Variants in SCARB2 observed in about 807,000 individuals in gnomAD.
The protein encoded by SCARB2 is scavenger receptor class B member 2, also known as lysosome membrane protein 2.
A neutral mutation model predicts 58.6 loss-of-function variants in SCARB2; 29 were observed. The ratio of observed to expected loss-of-function variants is 0.49; its 90% CI spans 0.37 to 0.67. The LOEUF is 0.67. Ranked by LOEUF, SCARB2 falls within the 30% of genes least tolerant of loss-of-function variation. SCARB2 has a pLI of 0.00. For synonymous variants in SCARB2, 195 were observed against 210.1 expected, an observed-to-expected ratio of 0.93 and a Z score of 0.62; for missense variants, 488 against 578.5, an observed-to-expected ratio of 0.84 and a Z score of 1.60.
chr4:76,198,216 T>C (rs951337720), intron 1 of SCARB2, among the ~76,000 whole-genome samples: 3 of 152,210 alleles, frequency 2.0e-5, no homozygotes, highest in African/African-American at 4.8e-5. Flanking sequence ...GAGAAAGGAC[T>C]TGAGATCTCA....
chr4:76,186,140 G>A (rs1467909533), intron 2 of SCARB2, among the ~76,000 whole-genome samples: 1 of 152,122 alleles, frequency 6.6e-6, no homozygotes, highest in Non-Finnish European at 1.5e-5. Flanking sequence ...CACAGTAAAC[G>A]CACTGTGGGC....
chr4:76,231,385 C>T (rs769956361), intron 1 of SCARB2, among the ~76,000 whole-genome samples: 4 of 152,030 alleles, frequency 2.6e-5, no homozygotes, highest in African/African-American at 9.7e-5. Flanking sequence ...TGGAGACTGC[C>T]GGTTGGTTCA....
At chr4:76,232,400 C>T (rs1258527113) in intron 1 of SCARB2, among the ~76,000 whole-genome samples, 1 of 152,188 alleles carries the variant, frequency 6.6e-6, no homozygotes, top group Non-Finnish European at 1.5e-5. Flanking sequence ...AGTTCTACGG[C>T]TTATTCTAAA....
At position 76,233,342 on chromosome 4, in the gene SCARB2, C is replaced by A. The variant is rs543734517; in HGVS notation, c.-358+961G>T. Among the ~76,000 whole-genome samples, 111 of 152,280 alleles carry A rather than the reference C, an allele frequency of 7.3e-4. No homozygotes were observed. In the Middle Eastern group the frequency reaches 0.01, roughly 14 times the overall value. ...TCAAAACCCAAAAAGCAGTTTGTAA[C>A]CTTAAAACATTTAGCAAACCTTGCA... On this transcript the variant is annotated intron_variant, in intron 1 of 11. Transcript: ENST00000638295.
At chr4:76,234,010 G>A (rs1733538215) in intron 1 of SCARB2, among the ~76,000 whole-genome samples, 1 of 152,236 alleles carries the variant, frequency 6.6e-6, no homozygotes, top group African/African-American at 2.4e-5. Flanking sequence ...CCTTCACCAG[G>A]GAGACAAGTT....
intron 1 of SCARB2, among the ~76,000 whole-genome samples, chr4:76,197,119 CAGACTTCT>C (rs1318074668): frequency 4.1e-4 from 63 of 152,340 alleles, no homozygotes; most frequent in African/African-American, 1.5e-3. Flanking sequence ...ACCTTGATCT[CAGACTTCT>C]AGCATCCAGA....
At chr4:76,197,624 AC>A (rs1253294840) in intron 1 of SCARB2, among the ~76,000 whole-genome samples, 1 of 152,174 alleles carries the variant, frequency 6.6e-6, no homozygotes, top group African/African-American at 2.4e-5. Flanking sequence ...GTTAACAGAA[AC>A]CTAACACCTG....
intron 8 of SCARB2, 149 bp downstream of exon 8, chr4:76,169,718 C>A (rs1732090360): frequency 4.2e-6 from 3 of 716,366 alleles, no homozygotes; most frequent in South Asian, 1.5e-5. Flanking sequence ...TGAGACAATG[C>A]CTCCATCAGC....
chr4:76,163,428 T>G, intron 10 of SCARB2, 45 bp from the exon 11 acceptor site: 1 of 1,608,176 alleles, frequency 6.2e-7, no homozygotes, highest in Non-Finnish European at 8.5e-7. Context: ...AAACATCCAG[T>G]GTGTAACTGT....
chr4:76,233,180 T>C (rs1344322764), intron 1 of SCARB2, among the ~76,000 whole-genome samples: 1 of 152,240 alleles, frequency 6.6e-6, no homozygotes, highest in Non-Finnish European at 1.5e-5. Flanking sequence ...CTAGAATTTT[T>C]AACGTTAATT....
intron 8 of SCARB2, among the ~76,000 whole-genome samples, chr4:76,169,467 C>T (rs1459002573): frequency 1.3e-5 from 2 of 152,096 alleles, no homozygotes; most frequent in Non-Finnish European, 2.9e-5. Flanking sequence ...CATATTTCAA[C>T]CAAAATATTC....
At chr4:76,215,674 C>G (rs55889442), upstream of SCARB2, among the ~76,000 whole-genome samples, 85,369 of 151,922 alleles carry the variant, frequency 0.56, 25,427 homozygotes, top group African/African-American at 0.67. Flanking sequence ...GGGGCCTTTG[C>G]AAATTCTTGC....
chr4:76,185,597 T>A (rs150369811), intron 2 of SCARB2, among the ~76,000 whole-genome samples: 1 of 152,172 alleles, frequency 6.6e-6, no homozygotes, highest in Admixed American at 6.5e-5. Flanking sequence ...TTAGAAACAA[T>A]AGACTGAGAT....
At chr4:76,206,298 G>A (rs1168795983) in intron 1 of SCARB2, among the ~76,000 whole-genome samples, 5 of 152,120 alleles carry the variant, frequency 3.3e-5, no homozygotes, top group African/African-American at 1.2e-4. Context: ...AGCCTGAATG[G>A]ACTAAGACAG....
chr4:76,180,774 T>A, intron 3 of SCARB2, 180 bp downstream of exon 3: 1 of 432,034 alleles, frequency 2.3e-6, no homozygotes, highest in Non-Finnish European at 4.0e-6. Flanking sequence ...CCTTATTTGA[T>A]ACATCTTAGA....
intron 10 of SCARB2, chr4:76,163,720 G>A (rs73826380): frequency 0.011 from 3,826 of 359,470 alleles, 145 homozygotes; most frequent in African/African-American, 0.075. Flanking sequence ...CCTTCCAAAA[G>A]TTTTCTCTGG....
exon 1 of SCARB2, chr4:76,234,325 G>A (rs1448885738): frequency 2.6e-5 from 4 of 152,628 alleles, no homozygotes; most frequent in African/African-American, 9.7e-5. Flanking sequence ...CCCATGTTGG[G>A]GGTCAAAAAT....
chr4:76,177,143 C>T (rs1438260049), intron 4 of SCARB2: 1 of 151,860 alleles, frequency 6.6e-6, no homozygotes, highest in Non-Finnish European at 1.5e-5. Context: ...CTATATTAAC[C>T]ATATTATTAT....
At chr4:76,169,773 G>T in intron 8 of SCARB2, 94 bp downstream of exon 8, 1 of 1,021,346 alleles carries the variant, frequency 9.8e-7, no homozygotes, top group Non-Finnish European at 1.5e-6. Context: ...TGAAAGTAAG[G>T]ATATTTTTAA....
Sources: gnomAD v4.1 joint callset for allele counts (sites outside exome capture counted in the v4.1 genomes callset) on GRCh38, gnomAD v4.1.1 for gene constraint, MANE v1.5 for transcripts, NCBI Gene and HGNC (gene_info 2026-07-23, HGNC 2026-07-21) for gene names.